Variants in CEP95 observed in about 807,000 individuals in gnomAD.
CEP95 encodes the protein centrosomal protein 95.
CEP95 carries 98 observed loss-of-function variants against 111.2 expected under a neutral mutation model. That is an observed-to-expected ratio of 0.88 (90% CI 0.75 to 1.04). The LOEUF (loss-of-function observed/expected upper bound fraction) is 1.04, where lower values mean the gene tolerates loss of function less well. Ranked by LOEUF, CEP95 falls within the 50% of genes least tolerant of loss-of-function variation. CEP95 has a pLI of 0.00. For missense variants in CEP95, 1,027 were observed against 977.2 expected, an observed-to-expected ratio of 1.05 and a Z score of -0.68; for synonymous variants, 323 against 327.1, an observed-to-expected ratio of 0.99 and a Z score of 0.14.
intron 10 of CEP95, among the ~76,000 whole-genome samples, chr17:64,526,403 C>T (rs1371328854): frequency 6.6e-6 from 1 of 152,110 alleles, no homozygotes; most frequent in East Asian, 1.9e-4. Context: ...GCAGATTTAT[C>T]CAAATTTTAT....
chr17:64,535,842 G>A (rs1555681419), intron 17 of CEP95: 1 of 152,202 alleles, frequency 6.6e-6, no homozygotes, highest in Non-Finnish European at 1.5e-5. Context: ...TGGATAAAGA[G>A]TGTGCATTCA....
At position 64,510,156 on chromosome 17, in the gene CEP95, A is replaced by T. The variant is rs1392375769; in HGVS notation, c.149-17A>T. The T allele has an allele frequency of 2.7e-6, 4 of 1,491,576 alleles. No individual in the cohort carries two copies. Among genetic ancestry groups the T allele is most frequent in the Non-Finnish European group, 3.7e-6 (4 of 1,080,094 alleles). 92.4% of individuals were successfully genotyped at this position (1,491,576 alleles called of 1,614,324 possible). A position where few individuals can be genotyped will look rare whatever the true frequency, so the allele number is the denominator to read the frequency against. On this transcript the variant is annotated splice_polypyrimidine_tract_variant and intron_variant, in intron 2 of 19. Coordinates refer to ENST00000556440, the MANE Select transcript of CEP95 (RefSeq NM_138363.3). Reference sequence around the variant, plus strand: ...CCTCTCATGGATACAAAATTATGTGATTTTTTCCCCCCCCAGACCTCATAG... The same window carrying T: ...CCTCTCATGGATACAAAATTATGTGTTTTTTTCCCCCCCCAGACCTCATAG...
intron 13 of CEP95, among the ~76,000 whole-genome samples, chr17:64,531,587 G>A (rs7223680): frequency 0.2 from 30,498 of 151,982 alleles, 6,609 homozygotes; most frequent in African/African-American, 0.54. Context: ...AAACATTAAT[G>A]GTTAAAAAAA....
chr17:64,536,787 C>A, intron 18 of CEP95, 39 bp downstream of exon 18: 1 of 1,566,632 alleles, frequency 6.4e-7, no homozygotes, highest in Non-Finnish European at 8.6e-7. Context: ...TGTGCTTAGT[C>A]CTGACCACTT....
At position 64,534,464 on chromosome 17, in the gene CEP95, GC is replaced by G. The variant is rs1185022053; in HGVS notation, c.1918-115del. On this transcript the variant is annotated intron_variant, in intron 16 of 19. Transcript: ENST00000556440. Reference sequence around the variant, plus strand: ...GGCTGAAGGGCTTCTGGGGCCACTGGCCCCCCACACGTGACATACTGCCTGA... The same window carrying G: ...GGCTGAAGGGCTTCTGGGGCCACTGGCCCCCACACGTGACATACTGCCTGA... 16 of 855,544 alleles carry G rather than the reference GC, an allele frequency of 1.9e-5. No homozygotes were observed. In the East Asian group the frequency reaches 3.6e-4, roughly 19 times the overall value. 53.0% of individuals were successfully genotyped at this position (855,544 alleles called of 1,614,324 possible). A position where few individuals can be genotyped will look rare whatever the true frequency, so the allele number is the denominator to read the frequency against.
In CEP95 at chr17:64,527,199, C is replaced by G. The variant is rs374558949; in HGVS notation, c.1241C>G (p.Thr414Ser). 7.4e-6 allele frequency: 12 copies of G among 1,613,718 alleles called. No individual in the cohort carries two copies. In the African/African-American group the frequency reaches 1.5e-4, roughly 20 times the overall value. ...GGAAATGAGGAGGTAGAGGATGGAA[C>G]TGAGGAGACACTGTCTCAGCACAGT... The part of the protein sequence containing the change: ...NTGNEEVEDG[T>S]EETLSQHSDG... The change falls in exon 11 of 20, where the codon ACT (threonine) becomes AGT (serine). Residue 414 changes from threonine to serine, a missense_variant. Thr to Ser is a moderately conservative substitution (Grantham distance 58). Transcript: ENST00000556440.
intron 19 of CEP95, 148 bp downstream of exon 19, chr17:64,537,260 A>G (rs1968723163): frequency 2.1e-6 from 3 of 1,415,346 alleles, no homozygotes; most frequent in South Asian, 1.6e-5. Context: ...GTGTAAGTAC[A>G]CTGACATTTT....
intron 6 of CEP95, among the ~76,000 whole-genome samples, chr17:64,521,131 G>A (rs1466676030): frequency 6.6e-6 from 1 of 152,138 alleles, no homozygotes; most frequent in Non-Finnish European, 1.5e-5. Flanking sequence ...CAGCTACTCT[G>A]GAGGCTGAGG....
chr17:64,532,519 T>C (rs1249474427), intron 14 of CEP95: 12 of 985,286 alleles, frequency 1.2e-5, no homozygotes, highest in African/African-American at 1.7e-5. Context: ...TTCTAAGCAC[T>C]TGCCTACCGG....
rs939512170 is a variant in CEP95 at position 64,531,772 on chromosome 17, T to C, written c.1540-118T>C. On this transcript the variant is annotated intron_variant, in intron 13 of 19. Coordinates refer to ENST00000556440, the MANE Select transcript of CEP95 (RefSeq NM_138363.3). ...GAAGTAAGGTGGTTTGGCTTACTGT[T>C]AGCTAAAAAACTAAAAAACTACCGT... 4 of 676,166 alleles carry C rather than the reference T, an allele frequency of 5.9e-6. 1 individual carries two copies. The highest frequency in any genetic ancestry group is 8.9e-6 in the Non-Finnish European group (4 of 450,070). 41.9% of individuals were successfully genotyped at this position (676,166 alleles called of 1,614,324 possible). A position where few individuals can be genotyped will look rare whatever the true frequency, so the allele number is the denominator to read the frequency against.
intron 8 of CEP95, among the ~76,000 whole-genome samples, chr17:64,524,396 C>T (rs1967629737): frequency 6.6e-6 from 1 of 152,076 alleles, no homozygotes; most frequent in Admixed American, 6.6e-5. Flanking sequence ...GCAACCTCCA[C>T]CTCCCAGGCA....
intron 2 of CEP95, among the ~76,000 whole-genome samples, chr17:64,509,835 A>T (rs529652839): frequency 3.2e-4 from 49 of 152,012 alleles, no homozygotes; most frequent in African/African-American, 1.1e-3. Context: ...GCTGTCTTTG[A>T]ATTTAGGGAC....
rs564708170 is a variant in CEP95, at chr17:64,513,483, T to A, written c.257-765T>A. On this transcript the variant is annotated intron_variant, in intron 3 of 19. Transcript: ENST00000556440. ...TCAACCTAATCATTTATATTAAAAA[T>A]CTGTTACGGAGTAGGTACTGTGCTA... 1.1e-4 allele frequency among the ~76,000 whole-genome samples: 17 copies of A among 152,286 alleles called. No individual in the cohort carries two copies. The East Asian group carries it at 3.1e-3, about 28-fold the overall frequency.
chr17:64,536,740 A>AAT lies in CEP95; in HGVS notation c.2210_2211insTA (p.Lys737AsnfsTer33). 2 of 1,603,016 alleles carry AAT rather than the reference A, an allele frequency of 1.2e-6. No individual in the cohort carries two copies. The highest frequency in any genetic ancestry group is 1.7e-6 in the Non-Finnish European group (2 of 1,177,052). On this transcript the variant is annotated frameshift_variant, in exon 18 of 20. Coordinates refer to ENST00000556440, the MANE Select transcript of CEP95 (RefSeq NM_138363.3). LOFTEE classifies it high-confidence loss of function. ...ACTGGACTCCATGGAGAACTACTAT[A>AAT]AGGACCAGGTGGGCTCCTGGCACTT...
chr17:64,526,062 T>C lies in CEP95; in HGVS notation c.1023-9T>C. Reference sequence around the variant, plus strand: ...CTATTTTACTGTCAAATGGTCACTTTTATTACAGAAATGAAAACAGAGCTA... The same window carrying C: ...CTATTTTACTGTCAAATGGTCACTTCTATTACAGAAATGAAAACAGAGCTA... On this transcript the variant is annotated splice_polypyrimidine_tract_variant and intron_variant, in intron 9 of 19. Coordinates refer to ENST00000556440, the MANE Select transcript of CEP95 (RefSeq NM_138363.3). The C allele has an allele frequency of 6.2e-7, 1 of 1,609,812 alleles. No homozygotes were observed. Among genetic ancestry groups the C allele is most frequent in the Non-Finnish European group, 8.5e-7 (1 of 1,178,766 alleles).
chr17:64,537,354 G>C, intron 19 of CEP95: 2 of 1,400,284 alleles, frequency 1.4e-6, no homozygotes, highest in South Asian at 3.6e-5. Flanking sequence ...TACATTTTTA[G>C]GAAGTAGAAA....
rs191528142 is a variant in CEP95 at position 64,518,961 on chromosome 17, G to T, written c.474-360G>T. On this transcript the variant is annotated intron_variant, in intron 5 of 19. Coordinates refer to ENST00000556440, the MANE Select transcript of CEP95 (RefSeq NM_138363.3). ...CTCCCAAAGTGCTAGGATTACAGGTGTGAGCTACCATGCCCGGCCTGATGA... is the reference window on the plus strand; with the variant it reads ...CTCCCAAAGTGCTAGGATTACAGGTTTGAGCTACCATGCCCGGCCTGATGA... 3.3e-5 allele frequency among the ~76,000 whole-genome samples: 5 copies of T among 152,270 alleles called. No individual in the cohort carries two copies. In the East Asian group the frequency reaches 9.7e-4, roughly 29 times the overall value.
intron 12 of CEP95, 136 bp from the exon 13 acceptor site, chr17:64,530,790 T>TGCTC: frequency 1.9e-6 from 1 of 523,184 alleles, no homozygotes; most frequent in East Asian, 3.2e-5. Context: ...AGAGCTTGGA[T>TGCTC]GCTCGGTTGA....
intron 8 of CEP95, among the ~76,000 whole-genome samples, chr17:64,524,683 A>G (rs1967652899): frequency 6.6e-6 from 1 of 152,194 alleles, no homozygotes; most frequent in South Asian, 2.1e-4. Context: ...ATTAAACATT[A>G]AATAAATGGC....
Sources: gnomAD v4.1 joint callset for allele counts (sites outside exome capture counted in the v4.1 genomes callset) on GRCh38, gnomAD v4.1.1 for gene constraint, MANE v1.5 for transcripts, NCBI Gene and HGNC (gene_info 2026-07-23, HGNC 2026-07-21) for gene names.